HPSE2: variants seen among roughly 807,000 people sequenced by gnomAD.
HPSE2 encodes heparanase 2 (inactive).
A neutral mutation model predicts 60.5 loss-of-function variants in HPSE2; 38 were observed. The observed-to-expected ratio is 0.63, with a 90% confidence interval of 0.48 to 0.82. HPSE2 has a LOEUF of 0.82. HPSE2 is among the 40% of genes least tolerant of loss of function. The probability of loss-of-function intolerance (pLI) is 0.00; values close to 1 mark genes in which losing one functional copy is unlikely to be tolerated. For synonymous variants in HPSE2, 295 were observed against 293.2 expected, an observed-to-expected ratio of 1.01 and a Z score of -0.06; for missense variants, 713 against 740.4, an observed-to-expected ratio of 0.96 and a Z score of 0.43.
At chr10:99,085,689 C>T (rs183645729) in intron 3 of HPSE2, among the ~76,000 whole-genome samples, 6 of 152,174 alleles carry the variant, frequency 3.9e-5, no homozygotes, top group East Asian at 1.9e-4. Context: ...TATTTTTAAG[C>T]GAAATGACCA....
chr10:98,467,794 A>G (rs1447630777), intron 11 of HPSE2, among the ~76,000 whole-genome samples: 2 of 152,194 alleles, frequency 1.3e-5, no homozygotes, highest in Non-Finnish European at 2.9e-5. Context: ...TCAAATCCCA[A>G]CCAGAACTTC....
chr10:99,192,973 G>T (rs768452200), intron 2 of HPSE2, among the ~76,000 whole-genome samples: 1 of 152,092 alleles, frequency 6.6e-6, no homozygotes, highest in African/African-American at 2.4e-5. Context: ...GTAATAGTAA[G>T]TGTGCAGAAA....
intron 2 of HPSE2, among the ~76,000 whole-genome samples, chr10:99,205,226 G>C (rs961021196): frequency 6.6e-6 from 1 of 152,106 alleles, no homozygotes; most frequent in Non-Finnish European, 1.5e-5. Flanking sequence ...AGCACGTGTA[G>C]CTCCCGAATC....
rs138631978 is a variant in HPSE2, at chr10:98,611,121, C to T, written c.1320+3783G>A. Among the ~76,000 whole-genome samples the T allele has an allele frequency of 5.9e-5, 9 of 152,240 alleles. No individual in the cohort carries two copies. The East Asian group carries it at 1.2e-3, about 20-fold the overall frequency. ...GGGGCCAGGGGAAGGGAGTGGGAGT[C>T]GAGTGATGAAGCATGGCTGAACTAA... On this transcript the variant is annotated intron_variant, in intron 9 of 11. Transcript: ENST00000370552.
chr10:99,054,264 G>C (rs1037760762), intron 3 of HPSE2, among the ~76,000 whole-genome samples: 4 of 152,190 alleles, frequency 2.6e-5, no homozygotes, highest in African/African-American at 9.7e-5. Context: ...TTACAGAGTT[G>C]AGAAGGGAAC....
intron 9 of HPSE2, among the ~76,000 whole-genome samples, chr10:98,502,897 A>G (rs1942071587): frequency 6.6e-6 from 1 of 152,208 alleles, no homozygotes; most frequent in Non-Finnish European, 1.5e-5. Context: ...AGATTTACAA[A>G]TGGCCAACAA....
At chr10:99,228,969 G>A (rs1397567543) in intron 2 of HPSE2, among the ~76,000 whole-genome samples, 9 of 152,082 alleles carry the variant, frequency 5.9e-5, no homozygotes, top group Non-Finnish European at 5.9e-5. Context: ...GAGGTCAGGA[G>A]TTCAAGACCA....
chr10:98,721,937 A>C (rs574509747), intron 4 of HPSE2, 109 bp from the exon 5 acceptor site: 31 of 926,256 alleles, frequency 3.3e-5, no homozygotes, highest in African/African-American at 1.0e-4. Context: ...AAAAAAAAAA[A>C]CAATAAAAAA....
chr10:98,790,186 T>A (rs1249984548), intron 3 of HPSE2, among the ~76,000 whole-genome samples: 1 of 152,226 alleles, frequency 6.6e-6, no homozygotes, highest in Non-Finnish European at 1.5e-5. Context: ...CTGAATAATA[T>A]TCCATTGTGT....
intron 3 of HPSE2, among the ~76,000 whole-genome samples, chr10:99,044,883 C>CA (rs1409959461): frequency 6.6e-6 from 1 of 152,102 alleles, no homozygotes; most frequent in East Asian, 1.9e-4. Flanking sequence ...CTTCTTGGCC[C>CA]ACAAAAAGAC....
chr10:98,574,244 T>G (rs1233370144), intron 9 of HPSE2, among the ~76,000 whole-genome samples: 1 of 152,150 alleles, frequency 6.6e-6, no homozygotes, highest in Non-Finnish European at 1.5e-5. Context: ...CTAAATAAAG[T>G]GCAGTCATAC....
At chr10:98,723,783 T>A (rs187748658) in intron 4 of HPSE2, among the ~76,000 whole-genome samples, 2 of 152,338 alleles carry the variant, frequency 1.3e-5, no homozygotes, top group Non-Finnish European at 2.9e-5. Flanking sequence ...TGATGATAGT[T>A]TGTATGTCTG....
intron 6 of HPSE2, among the ~76,000 whole-genome samples, chr10:98,677,902 T>C (rs1020367524): frequency 6.6e-6 from 1 of 152,244 alleles, no homozygotes; most frequent in African/African-American, 2.4e-5. Flanking sequence ...GATGCTATTA[T>C]TAGAGTCATT....
chr10:99,184,780 C>G (rs1241308906), intron 2 of HPSE2, among the ~76,000 whole-genome samples: 1 of 44,356 alleles, frequency 2.3e-5, no homozygotes, highest in Non-Finnish European at 4.5e-5. Flanking sequence ...ACAGAACTAT[C>G]CAAAATTATA....
chr10:99,173,515 T>C (rs1263607424), intron 2 of HPSE2, among the ~76,000 whole-genome samples: 2 of 151,600 alleles, frequency 1.3e-5, no homozygotes, highest in African/African-American at 4.9e-5. Context: ...TGAGGAACTT[T>C]AGTAAATTTT....
At chr10:98,762,592 T>A (rs1950030375) in intron 3 of HPSE2, among the ~76,000 whole-genome samples, 1 of 151,942 alleles carries the variant, frequency 6.6e-6, no homozygotes, top group Non-Finnish European at 1.5e-5. Flanking sequence ...CAAACTAATT[T>A]CTGAGTGGTA....
In HPSE2 at chr10:98,776,884, T is replaced by C. The variant is rs139572959; in HGVS notation, c.611-32828A>G. On this transcript the variant is annotated intron_variant, in intron 3 of 11. Coordinates refer to ENST00000370552, the MANE Select transcript of HPSE2 (RefSeq NM_021828.5). ...ATTATTCAGGAGAATGTTCTTAGTA[T>C]AGGAGATGCATGCTAAGGGCTAAAA... 5.1e-3 allele frequency among the ~76,000 whole-genome samples: 779 copies of C among 152,252 alleles called. 41 individuals are homozygous for C. The highest frequency in any genetic ancestry group is 0.046 in the Admixed American group (708 of 15,286).
intron 4 of HPSE2, among the ~76,000 whole-genome samples, chr10:98,729,144 A>T (rs957862020): frequency 3.9e-5 from 6 of 152,226 alleles, no homozygotes; most frequent in Non-Finnish European, 8.8e-5. Context: ...GAAAACAGCA[A>T]GATGGCACAT....
chr10:98,819,421 C>CTT (rs34043787), intron 3 of HPSE2, among the ~76,000 whole-genome samples: 35,785 of 136,226 alleles, frequency 0.26, 5,465 homozygotes, highest in African/African-American at 0.39. Context: ...TACAATCATT[C>CTT]TTTTTTTTTT....
Sources: gnomAD v4.1 joint callset for allele counts (sites outside exome capture counted in the v4.1 genomes callset) on GRCh38, gnomAD v4.1.1 for gene constraint, MANE v1.5 for transcripts, NCBI Gene and HGNC (gene_info 2026-07-23, HGNC 2026-07-21) for gene names.